Variants in TMEM135 observed in about 807,000 individuals in gnomAD.
TMEM135 encodes the protein transmembrane protein 135.
A neutral mutation model predicts 60.3 loss-of-function variants in TMEM135; 30 were observed. The ratio of observed to expected loss-of-function variants is 0.50; its 90% confidence interval spans 0.37 to 0.68. TMEM135 has a LOEUF of 0.68. Ranked by LOEUF, TMEM135 falls within the 30% of genes least tolerant of loss-of-function variation. The probability of loss-of-function intolerance (pLI) is 0.00; values close to 1 mark genes in which losing one functional copy is unlikely to be tolerated. For missense variants in TMEM135, 468 were observed against 548.8 expected, an observed-to-expected ratio of 0.85 and a Z score of 1.47; for synonymous variants, 190 against 186.7, an observed-to-expected ratio of 1.02 and a Z score of -0.14.
chr11:87,076,834 G>A (rs1392722754), intron 3 of TMEM135, among the ~76,000 whole-genome samples: 2 of 152,184 alleles, frequency 1.3e-5, no homozygotes, highest in Admixed American at 6.5e-5. Context: ...TCATCCAGGA[G>A]CAAGGCTTGG....
intron 5 of TMEM135, among the ~76,000 whole-genome samples, chr11:87,195,323 TTCC>T (rs1939912819): frequency 1.4e-4 from 2 of 14,602 alleles, no homozygotes; most frequent in Admixed American, 1.4e-3. Context: ...CTTTCCTTCC[TTCC>T]TTCCTTCCTT....
intron 6 of TMEM135, among the ~76,000 whole-genome samples, chr11:87,238,872 C>T (rs947059064): frequency 2.0e-5 from 3 of 152,064 alleles, no homozygotes; most frequent in Non-Finnish European, 2.9e-5. Flanking sequence ...TTTTCTTTTT[C>T]GTGAAAATTC....
chr11:87,264,694 A>G (rs1367609742), intron 6 of TMEM135, among the ~76,000 whole-genome samples: 1 of 151,890 alleles, frequency 6.6e-6, no homozygotes, highest in Non-Finnish European at 1.5e-5. Context: ...CTCACTGTAT[A>G]TAGTCAGTTG....
At chr11:87,087,346 G>C (rs959822474) in intron 3 of TMEM135, among the ~76,000 whole-genome samples, 3 of 150,660 alleles carry the variant, frequency 2.0e-5, no homozygotes, top group African/African-American at 7.3e-5. Flanking sequence ...CTCACCACTT[G>C]GCAGGAGTTG....
chr11:87,103,139 T>C (rs1197320084), intron 4 of TMEM135, among the ~76,000 whole-genome samples: 4 of 152,220 alleles, frequency 2.6e-5, no homozygotes, highest in African/African-American at 9.6e-5. Flanking sequence ...AACATGGGAA[T>C]GAAGACATCC....
At chr11:87,300,693 G>T (rs1942429912) in intron 7 of TMEM135, among the ~76,000 whole-genome samples, 1 of 152,154 alleles carries the variant, frequency 6.6e-6, no homozygotes, top group Non-Finnish European at 1.5e-5. Flanking sequence ...TTTACCATGT[G>T]CCAGACACTA....
At chr11:87,183,687 G>A (rs1157489221) in intron 5 of TMEM135, among the ~76,000 whole-genome samples, 4 of 151,978 alleles carry the variant, frequency 2.6e-5, no homozygotes, top group Non-Finnish European at 4.4e-5. Context: ...CAGGTGCGGT[G>A]GCTCACGCCT....
At chr11:87,208,728 A>G (rs1359340311) in intron 5 of TMEM135, among the ~76,000 whole-genome samples, 1 of 152,218 alleles carries the variant, frequency 6.6e-6, no homozygotes, top group Non-Finnish European at 1.5e-5. Context: ...CCTGTGAGAT[A>G]CTATGTAAGA....
At chr11:87,126,921 T>C (rs1365284768) in intron 4 of TMEM135, among the ~76,000 whole-genome samples, 1 of 152,062 alleles carries the variant, frequency 6.6e-6, no homozygotes, top group East Asian at 1.9e-4. Context: ...GGTGAGAAAT[T>C]GTGGAATTAG....
At chr11:87,171,289 TTATCACTG>T (rs1939229482) in intron 5 of TMEM135, among the ~76,000 whole-genome samples, 3 of 152,078 alleles carry the variant, frequency 2.0e-5, no homozygotes, top group Admixed American at 6.5e-5. Context: ...TTTGGTACTC[TTATCACTG>T]TTTTTCCAAA....
At chr11:87,146,581 CG>C (rs1938424184) in intron 4 of TMEM135, among the ~76,000 whole-genome samples, 1 of 152,088 alleles carries the variant, frequency 6.6e-6, no homozygotes, top group Non-Finnish European at 1.5e-5. Flanking sequence ...CTATGATTAG[CG>C]TTCCTTTGTT....
At chr11:87,279,414 C>G (rs1174603546) in intron 6 of TMEM135, among the ~76,000 whole-genome samples, 1 of 152,150 alleles carries the variant, frequency 6.6e-6, no homozygotes, top group Non-Finnish European at 1.5e-5. Context: ...CTGCTATACC[C>G]TCATCTTTGT....
At chr11:87,067,970 G>A in intron 2 of TMEM135, 149 bp downstream of exon 2, 1 of 963,004 alleles carries the variant, frequency 1.0e-6, no homozygotes, top group Non-Finnish European at 1.6e-6. Flanking sequence ...ATGAAAGCTT[G>A]TAAAACCAGG....
At chr11:87,249,998 A>G (rs1245827035) in intron 6 of TMEM135, among the ~76,000 whole-genome samples, 1 of 152,168 alleles carries the variant, frequency 6.6e-6, no homozygotes, top group African/African-American at 2.4e-5. Flanking sequence ...TGATCTATTC[A>G]GGTTTTGGAA....
intron 4 of TMEM135, among the ~76,000 whole-genome samples, chr11:87,150,539 C>T (rs1302260410): frequency 1.3e-5 from 2 of 152,146 alleles, no homozygotes; most frequent in Non-Finnish European, 2.9e-5. Flanking sequence ...TAATGTTTAA[C>T]ATATTCTGTT....
intron 4 of TMEM135, among the ~76,000 whole-genome samples, chr11:87,146,671 C>T (rs1362517316): frequency 2.6e-5 from 4 of 152,148 alleles, no homozygotes; most frequent in African/African-American, 9.7e-5. Flanking sequence ...CCGTTAATCT[C>T]AAAAAGTGCT....
chr11:87,223,663 GCACGCACACACA>G (rs1268850884), intron 5 of TMEM135, among the ~76,000 whole-genome samples: 1 of 130,862 alleles, frequency 7.6e-6, no homozygotes, highest in Non-Finnish European at 1.7e-5. Context: ...ATACGCACAT[GCACGCACACACA>G]CACACACACA....
rs571795030 is a variant in TMEM135 at position 87,037,958 on chromosome 11, G to A, written c.-88G>A. The A allele has an allele frequency of 6.2e-5, 99 of 1,592,806 alleles. No individual in the cohort carries two copies. The African/African-American group carries it at 1.2e-3, about 19-fold the overall frequency. On this transcript the variant is annotated 5_prime_UTR_variant, in exon 1 of 15. Transcript: ENST00000305494. ...CATTCCGCACCTCCGAGTGCTGGCC[G>A]GGCGAGAGGCTGGCGGCTGGGCTCT...
chr11:87,311,982 G>T (rs1412430028), intron 10 of TMEM135, among the ~76,000 whole-genome samples: 1 of 151,540 alleles, frequency 6.6e-6, no homozygotes, highest in African/African-American at 2.4e-5. Flanking sequence ...TGAAAAACTG[G>T]TTTCTTTTAG....
Sources: gnomAD v4.1 joint callset for allele counts (sites outside exome capture counted in the v4.1 genomes callset) on GRCh38, gnomAD v4.1.1 for gene constraint, MANE v1.5 for transcripts, NCBI Gene and HGNC (gene_info 2026-07-23, HGNC 2026-07-21) for gene names.